TMEM132D: variants seen among roughly 807,000 people sequenced by gnomAD.
TMEM132D encodes mature OL transmembrane protein.
Under a neutral mutation model 62.3 loss-of-function variants are expected in TMEM132D, and 21 were observed. The observed-to-expected ratio is 0.34, with a 90% CI of 0.24 to 0.49. The LOEUF is 0.49. TMEM132D is among the 20% of genes least tolerant of loss of function. TMEM132D has a pLI of 0.99. For synonymous variants in TMEM132D, 621 were observed against 575.6 expected, an observed-to-expected ratio of 1.08 and a Z score of -1.13; for missense variants, 1,346 against 1,402.8, an observed-to-expected ratio of 0.96 and a Z score of 0.65.
chr12:129,139,719 C>T (rs946222705), intron 5 of TMEM132D, among the ~76,000 whole-genome samples: 5 of 152,192 alleles, frequency 3.3e-5, no homozygotes, highest in South Asian at 2.1e-4. Flanking sequence ...TGAGACAGGA[C>T]GTTGCTCTGT....
intron 2 of TMEM132D, among the ~76,000 whole-genome samples, chr12:129,623,684 T>C (rs200750850): frequency 1.1e-5 from 1 of 91,608 alleles, no homozygotes; most frequent in Admixed American, 1.2e-4. Flanking sequence ...CACATATATA[T>C]ACATATATAC....
chr12:129,380,901 A>G (rs1870930649), intron 3 of TMEM132D, among the ~76,000 whole-genome samples: 1 of 152,250 alleles, frequency 6.6e-6, no homozygotes. Flanking sequence ...ATACATCATT[A>G]GTTCAATCCT....
intron 4 of TMEM132D, among the ~76,000 whole-genome samples, chr12:129,213,472 G>A (rs1192422608): frequency 6.6e-6 from 1 of 151,934 alleles, no homozygotes; most frequent in Non-Finnish European, 1.5e-5. Context: ...ACCACAGCCT[G>A]GGCAACAGAG....
At chr12:129,742,170 C>T (rs1324878220) in intron 1 of TMEM132D, among the ~76,000 whole-genome samples, 1 of 152,170 alleles carries the variant, frequency 6.6e-6, no homozygotes, top group African/African-American at 2.4e-5. Flanking sequence ...CTAACATTAG[C>T]CATCTGTGTT....
chr12:129,108,741 C>A (rs1875584323), intron 5 of TMEM132D, among the ~76,000 whole-genome samples: 1 of 152,222 alleles, frequency 6.6e-6, no homozygotes, highest in African/African-American at 2.4e-5. Context: ...CATACCCACA[C>A]ATCGTCTTGA....
At chr12:129,790,534 A>T (rs1871373088) in intron 1 of TMEM132D, among the ~76,000 whole-genome samples, 1 of 152,164 alleles carries the variant, frequency 6.6e-6, no homozygotes, top group South Asian at 2.1e-4. Flanking sequence ...GTCCCTCTGA[A>T]GTCAAGCTGC....
chr12:129,463,615 C>A (rs963672755), intron 3 of TMEM132D, among the ~76,000 whole-genome samples: 1 of 151,510 alleles, frequency 6.6e-6, no homozygotes, highest in Non-Finnish European at 1.5e-5. Context: ...CTAATGCCAT[C>A]CCTCCCCGCT....
chr12:129,527,912 C>T (rs572003716), intron 3 of TMEM132D, among the ~76,000 whole-genome samples: 28 of 152,286 alleles, frequency 1.8e-4, no homozygotes, highest in African/African-American at 6.0e-4. Flanking sequence ...AAGAGATCTT[C>T]GCTCACTCCT....
chr12:129,860,427 G>T (rs1210922305), intron 1 of TMEM132D, among the ~76,000 whole-genome samples: 1 of 152,136 alleles, frequency 6.6e-6, no homozygotes, highest in Non-Finnish European at 1.5e-5. Flanking sequence ...GTAGAGATGG[G>T]AATAATTTCT....
chr12:129,462,125 G>A (rs1873697451), intron 3 of TMEM132D, among the ~76,000 whole-genome samples: 1 of 152,174 alleles, frequency 6.6e-6, no homozygotes, highest in African/African-American at 2.4e-5. Context: ...AAAGTCCTTA[G>A]ACAGGAATGG....
intron 3 of TMEM132D, among the ~76,000 whole-genome samples, chr12:129,373,921 G>A (rs531315973): frequency 9.2e-5 from 14 of 152,268 alleles, no homozygotes; most frequent in South Asian, 4.2e-4. Flanking sequence ...GAAAAGCTAC[G>A]TGGTGCTTAG....
At chr12:129,463,296 A>C (rs560579431) in intron 3 of TMEM132D, among the ~76,000 whole-genome samples, 11 of 151,858 alleles carry the variant, frequency 7.2e-5, no homozygotes, top group African/African-American at 2.7e-4. Context: ...GTGCCATTTT[A>C]TTTTGGGTCT....
intron 1 of TMEM132D, among the ~76,000 whole-genome samples, chr12:129,820,805 C>T (rs901432726): frequency 6.6e-6 from 1 of 152,096 alleles, no homozygotes; most frequent in Non-Finnish European, 1.5e-5. Context: ...CCCAGGCTGG[C>T]CTCAAACTCG....
At position 129,766,561 on chromosome 12, in the gene TMEM132D, T is replaced by A. The variant is rs1354503884; in HGVS notation, c.80-65863A>T. On this transcript the variant is annotated intron_variant, in intron 1 of 8. Coordinates refer to ENST00000422113, the MANE Select transcript of TMEM132D (RefSeq NM_133448.3). The stretch of plus-strand genomic sequence containing the variant: ...TAAAAAGGGCTATTTGAGCTGCCCT[T>A]TCTTACCTATAGCAAGCCACAAAAA... Among the ~76,000 whole-genome samples the A allele has an allele frequency of 2.6e-5, 4 of 152,186 alleles. No homozygotes were observed. In the South Asian group the frequency reaches 8.3e-4, roughly 32 times the overall value.
chr12:129,418,134 A>C (rs1872184879), intron 3 of TMEM132D, among the ~76,000 whole-genome samples: 1 of 152,250 alleles, frequency 6.6e-6, no homozygotes, highest in Non-Finnish European at 1.5e-5. Flanking sequence ...TAATGGTTGC[A>C]TTGTGGAAGA....
intron 3 of TMEM132D, among the ~76,000 whole-genome samples, chr12:129,515,211 C>A (rs963792756): frequency 6.6e-6 from 1 of 152,196 alleles, no homozygotes; most frequent in East Asian, 1.9e-4. Context: ...ACAGACTTAA[C>A]GTTCCCCAGA....
intron 6 of TMEM132D, among the ~76,000 whole-genome samples, chr12:129,083,862 G>A (rs1874528702): frequency 2.0e-5 from 3 of 152,166 alleles, no homozygotes; most frequent in Admixed American, 1.3e-4. Flanking sequence ...GTTGCCTGAC[G>A]GTAGATGGTG....
intron 1 of TMEM132D, among the ~76,000 whole-genome samples, chr12:129,703,924 C>CAAA (rs67547532): frequency 0.015 from 2,116 of 140,874 alleles, 24 homozygotes; most frequent in Non-Finnish European, 0.019. Flanking sequence ...CGGTAATAGG[C>CAAA]AAAAAAAAAA....
chr12:129,436,204 A>G (rs916892349), intron 3 of TMEM132D, among the ~76,000 whole-genome samples: 2 of 152,192 alleles, frequency 1.3e-5, no homozygotes, highest in African/African-American at 4.8e-5. Context: ...GATTTAATGA[A>G]GACCATAAAA....
Sources: gnomAD v4.1 joint callset for allele counts (sites outside exome capture counted in the v4.1 genomes callset) on GRCh38, gnomAD v4.1.1 for gene constraint, MANE v1.5 for transcripts, NCBI Gene and HGNC (gene_info 2026-07-23, HGNC 2026-07-21) for gene names.